The following COPG2 variants were observed in gnomAD, a reference collection of about 807,000 sequenced individuals.
The protein encoded by COPG2 is coatomer subunit gamma-2.
COPG2 carries 37 observed loss-of-function variants against 46.3 expected under a neutral mutation model. That is an observed-to-expected ratio of 0.80 (90% confidence interval 0.61 to 1.05). COPG2 has a LOEUF of 1.05. COPG2 is among the 50% of genes least tolerant of loss of function. The probability of loss-of-function intolerance (pLI) is 0.00; values close to 1 mark genes in which losing one functional copy is unlikely to be tolerated. For synonymous variants in COPG2, 159 were observed against 129.7 expected (o/e 1.23, Z -1.53); for missense variants, 427 against 387.8 (o/e 1.10, Z -0.85).
At chr7:130,586,840 G>A (rs1794283009) in intron 9 of COPG2, among the ~76,000 whole-genome samples, 1 of 151,878 alleles carries the variant, frequency 6.6e-6, no homozygotes, top group South Asian at 2.1e-4. Flanking sequence ...TCTATAAGTG[G>A]CACCAAAAGT....
Position 130,547,754 on chromosome 7 carries a change from A to T in COPG2, c.2069T>A (p.Ile690Asn). ...GTTATAAGGAAGGCTGGGGGCTGGGATACAAGACAGCACTTCATAGGAATC... is the reference window on the plus strand; with the variant it reads ...GTTATAAGGAAGGCTGGGGGCTGGGTTACAAGACAGCACTTCATAGGAATC... Reference protein sequence around the residue: ...PSDSYEVLSCIPAPSLPYNQP... With the variant: ...PSDSYEVLSCNPAPSLPYNQP... Residue 690 changes from isoleucine (I) to asparagine (N), a missense_variant, in exon 20 of 24, where the codon ATC (isoleucine) becomes AAC (asparagine). Coordinates refer to ENST00000425248, the MANE Select transcript of COPG2 (RefSeq NM_012133.6). 1 of 398,780 alleles carries T rather than the reference A, an allele frequency of 2.5e-6. No homozygotes were observed. The highest frequency in any genetic ancestry group is 3.6e-5 in the East Asian group (1 of 28,078). 24.7% of individuals were successfully genotyped at this position (398,780 alleles called of 1,614,324 possible). A position where few individuals can be genotyped will look rare whatever the true frequency, so the allele number is the denominator to read the frequency against.
chr7:130,626,748 T>C (rs937131320), intron 5 of COPG2, among the ~76,000 whole-genome samples: 1 of 152,238 alleles, frequency 6.6e-6, no homozygotes, highest in Non-Finnish European at 1.5e-5. Context: ...CATTGACACC[T>C]GATTGCCAAA....
chr7:130,592,788 T>C (rs186821561), intron 9 of COPG2, among the ~76,000 whole-genome samples: 1 of 152,326 alleles, frequency 6.6e-6, no homozygotes, highest in Non-Finnish European at 1.5e-5. Context: ...AGGGAAGGGA[T>C]ACTTCCCCTC....
chr7:130,653,638 C>T lies in COPG2; in HGVS notation c.244-690G>A, dbSNP rs575792727. Among the ~76,000 whole-genome samples the T allele has an allele frequency of 8.9e-4, 135 of 152,264 alleles. 1 individual carries two copies. Among genetic ancestry groups the T allele is most frequent in the African/African-American group, 3.2e-3 (132 of 41,554 alleles). Reference sequence around the variant, plus strand: ...CAACTGGATCTCTGATTTATTCATACACTATGGATAAATGGGCAGCAGCCA... The same window carrying T: ...CAACTGGATCTCTGATTTATTCATATACTATGGATAAATGGGCAGCAGCCA... On this transcript the variant is annotated intron_variant, in intron 4 of 23. Transcript: ENST00000425248.
intron 20 of COPG2, among the ~76,000 whole-genome samples, chr7:130,514,168 C>T (rs36131623): frequency 5.1e-4 from 77 of 151,950 alleles, no homozygotes; most frequent in Non-Finnish European, 1.0e-3. Flanking sequence ...AAAAGTAATG[C>T]GAAGCTTTTG....
At chr7:130,665,351 G>C (rs896270297) in intron 3 of COPG2, among the ~76,000 whole-genome samples, 1 of 152,068 alleles carries the variant, frequency 6.6e-6, no homozygotes, top group African/African-American at 2.4e-5. Flanking sequence ...TAAACCACCT[G>C]AGGTATATGG....
chr7:130,584,123 G>T (rs1244070882), intron 9 of COPG2, among the ~76,000 whole-genome samples: 2 of 151,880 alleles, frequency 1.3e-5, no homozygotes, highest in African/African-American at 4.8e-5. Context: ...TGACCAAGTG[G>T]GTTTCATACC....
At chr7:130,664,764 G>A (rs1175650776) in intron 3 of COPG2, among the ~76,000 whole-genome samples, 4 of 152,146 alleles carry the variant, frequency 2.6e-5, no homozygotes, top group African/African-American at 9.7e-5. Context: ...CAATGGATTT[G>A]GCCAACTTAG....
chr7:130,574,723 G>T (rs782612430), intron 9 of COPG2, among the ~76,000 whole-genome samples: 1 of 152,070 alleles, frequency 6.6e-6, no homozygotes, highest in Non-Finnish European at 1.5e-5. Context: ...ACCTGTAAAA[G>T]AATTCAGGAG....
intron 4 of COPG2, among the ~76,000 whole-genome samples, chr7:130,655,449 C>T (rs1286750846): frequency 1.3e-5 from 2 of 152,074 alleles, no homozygotes; most frequent in South Asian, 2.1e-4. Context: ...CTGTGTTTTT[C>T]GGATTCTTTC....
intron 20 of COPG2, among the ~76,000 whole-genome samples, chr7:130,543,670 A>G (rs1032778129): frequency 2.0e-4 from 30 of 152,298 alleles, no homozygotes; most frequent in African/African-American, 7.0e-4. Flanking sequence ...AATCAATTTC[A>G]AGGACAGATG....
At chr7:130,510,245 T>TC (rs782387272) in intron 20 of COPG2, 11 of 519,636 alleles carry the variant, frequency 2.1e-5, no homozygotes. Flanking sequence ...CAGTGGGTTT[T>TC]CCCATATAGG....
chr7:130,593,438 G>C (rs1453215967), intron 9 of COPG2, among the ~76,000 whole-genome samples: 1 of 152,182 alleles, frequency 6.6e-6, no homozygotes, highest in Non-Finnish European at 1.5e-5. Flanking sequence ...CACACACAGA[G>C]AAGTAATGAT....
chr7:130,642,832 G>C (rs755609475), intron 5 of COPG2, among the ~76,000 whole-genome samples: 10 of 152,120 alleles, frequency 6.6e-5, no homozygotes, highest in South Asian at 4.1e-4. Context: ...AGACCAGCCC[G>C]GCCAACATGG....
At chr7:130,667,321 G>A (rs1462327076) in intron 2 of COPG2, among the ~76,000 whole-genome samples, 161 bp downstream of exon 2, 1 of 152,130 alleles carries the variant, frequency 6.6e-6, no homozygotes, top group African/African-American at 2.4e-5. Context: ...AAATTCTCCT[G>A]TGACAAGTAA....
chr7:130,583,705 T>A (rs1455988103), intron 9 of COPG2, among the ~76,000 whole-genome samples: 1 of 142,764 alleles, frequency 7.0e-6, no homozygotes, highest in African/African-American at 2.6e-5. Flanking sequence ...CTTGGGAGGC[T>A]GAGGCAGGGG....
intron 12 of COPG2, 22 bp downstream of exon 12, chr7:130,561,011 A>G (rs1165816345): frequency 1.0e-5 from 4 of 398,440 alleles, no homozygotes; most frequent in Non-Finnish European, 1.8e-5. Context: ...GGGAGAAAAT[A>G]TGATCATGTT....
intron 3 of COPG2, among the ~76,000 whole-genome samples, chr7:130,663,543 T>C (rs1013091757): frequency 6.6e-6 from 1 of 151,978 alleles, no homozygotes; most frequent in Non-Finnish European, 1.5e-5. Flanking sequence ...ACCAGATTCA[T>C]CATATTAAAA....
At chr7:130,549,673 C>G (rs1001494308) in intron 17 of COPG2, among the ~76,000 whole-genome samples, 8 of 152,160 alleles carry the variant, frequency 5.3e-5, no homozygotes. Context: ...TAAAAATCTT[C>G]TCATGATCAA....
Sources: allele counts gnomAD v4.1 joint callset (sites outside exome capture counted in the v4.1 genomes callset), GRCh38; gene constraint gnomAD v4.1.1; transcripts MANE v1.5; gene names NCBI Gene and HGNC (gene_info 2026-07-23, HGNC 2026-07-21).